Variants in DLG2 observed in about 807,000 individuals in gnomAD.
The protein encoded by DLG2 is disks large homolog 2.
Under a neutral mutation model 132.5 loss-of-function variants are expected in DLG2, and 45 were observed. The ratio of observed to expected loss-of-function variants is 0.34; its 90% CI spans 0.27 to 0.44. The LOEUF (loss-of-function observed/expected upper bound fraction) is 0.44. DLG2 is among the 20% of genes least tolerant of loss of function. The pLI is 1.00. For synonymous variants in DLG2, 424 were observed against 419.6 expected (o/e 1.01, Z -0.13); for missense variants, 1,045 against 1,196.9 (o/e 0.87, Z 1.87).
chr11:85,594,960 G>A (rs1350522845), intron 3 of DLG2, among the ~76,000 whole-genome samples: 1 of 151,406 alleles, frequency 6.6e-6, no homozygotes, highest in Non-Finnish European at 1.5e-5. Flanking sequence ...CAGCTACTCG[G>A]GAGGCTGAGG....
intron 6 of DLG2, among the ~76,000 whole-genome samples, chr11:85,055,790 G>T (rs1467179868): frequency 6.6e-6 from 1 of 152,092 alleles, no homozygotes; most frequent in African/African-American, 2.4e-5. Flanking sequence ...TAAAAAAATG[G>T]GTTCAGGGCC....
chr11:83,540,023 A>G (rs534055348), intron 20 of DLG2, among the ~76,000 whole-genome samples: 2 of 152,278 alleles, frequency 1.3e-5, no homozygotes, highest in Admixed American at 1.3e-4. Context: ...ATCTTCCCAG[A>G]TAGTCCATGC....
chr11:85,622,520 A>G (rs939543610), intron 2 of DLG2, among the ~76,000 whole-genome samples: 1 of 152,104 alleles, frequency 6.6e-6, no homozygotes, highest in African/African-American at 2.4e-5. Context: ...TTAGTAAGAT[A>G]CTATAAAACA....
At chr11:84,954,054 T>G (rs527678295) in intron 6 of DLG2, among the ~76,000 whole-genome samples, 1 of 152,146 alleles carries the variant, frequency 6.6e-6, no homozygotes, top group Non-Finnish European at 1.5e-5. Flanking sequence ...CCGCTTGATT[T>G]TATTGCTCTT....
rs2094927510 is a variant in DLG2, at chr11:83,783,689, T to C, written c.1825+3001A>G. Among the ~76,000 whole-genome samples, 4 of 152,158 alleles carry C rather than the reference T, an allele frequency of 2.6e-5. No individual in the cohort carries two copies. In the South Asian group the frequency reaches 8.3e-4, roughly 32 times the overall value. On this transcript the variant is annotated intron_variant, in intron 18 of 27. Coordinates refer to ENST00000376104, the MANE Select transcript of DLG2 (RefSeq NM_001142699.3). ...AATATAGGTATGGTGTCTGCATGCA[T>C]GGAACTCACAATTTTGTAGTTTAGC...
intron 14 of DLG2, among the ~76,000 whole-genome samples, chr11:83,958,363 T>C (rs1213703511): frequency 1.3e-5 from 2 of 152,162 alleles, no homozygotes; most frequent in Admixed American, 6.5e-5. Context: ...GGACAAGAAA[T>C]CTTTATTGAG....
Position 84,375,347 on chromosome 11 carries a change from G to A in DLG2, c.520-124056C>T, listed in dbSNP as rs1025088137. Among the ~76,000 whole-genome samples, 13 of 151,982 alleles carry A rather than the reference G, an allele frequency of 8.6e-5. No individual in the cohort carries two copies. The East Asian group carries it at 1.2e-3, about 14-fold the overall frequency. ...ATGAATTAACTGCTATAATTATTGC[G>A]CTGTTTTTGTTCACCAACTGGTTCT... is the stretch of plus-strand genomic sequence containing the variant. On this transcript the variant is annotated intron_variant, in intron 7 of 27. Coordinates refer to ENST00000376104, the MANE Select transcript of DLG2 (RefSeq NM_001142699.3).
intron 6 of DLG2, among the ~76,000 whole-genome samples, chr11:84,689,027 T>A (rs372153041): frequency 6.6e-6 from 1 of 152,092 alleles, no homozygotes; most frequent in East Asian, 1.9e-4. Flanking sequence ...CTGGAGACTA[T>A]CTACGTAAAA....
intron 16 of DLG2, among the ~76,000 whole-genome samples, chr11:83,838,226 G>A (rs1368154476): frequency 6.6e-6 from 1 of 152,188 alleles, no homozygotes; most frequent in African/African-American, 2.4e-5. Flanking sequence ...TTGGATAGAT[G>A]GGTAGGTATG....
At chr11:84,187,602 T>C (rs1165549404) in intron 8 of DLG2, among the ~76,000 whole-genome samples, 4 of 152,054 alleles carry the variant, frequency 2.6e-5, no homozygotes, top group Admixed American at 2.0e-4. Flanking sequence ...TCTTCTTATG[T>C]CTACCTCCAA....
At chr11:85,483,763 G>A (rs1178612354) in intron 3 of DLG2, among the ~76,000 whole-genome samples, 1 of 151,900 alleles carries the variant, frequency 6.6e-6, no homozygotes, top group East Asian at 1.9e-4. Flanking sequence ...GGCCAACATG[G>A]TGAAACCCTG....
At chr11:84,866,519 G>T (rs1470668132) in intron 6 of DLG2, among the ~76,000 whole-genome samples, 1 of 152,186 alleles carries the variant, frequency 6.6e-6, no homozygotes, top group Non-Finnish European at 1.5e-5. Context: ...CTCTCAATCT[G>T]CAGATGCTAG....
intron 6 of DLG2, among the ~76,000 whole-genome samples, chr11:85,061,464 A>T (rs1489103738): frequency 6.6e-6 from 1 of 151,882 alleles, no homozygotes; most frequent in East Asian, 1.9e-4. Context: ...TCGCTGCAAC[A>T]AATGTGCTGC....
intron 6 of DLG2, among the ~76,000 whole-genome samples, chr11:84,576,581 G>C (rs2099500651): frequency 6.6e-6 from 1 of 152,152 alleles, no homozygotes; most frequent in African/African-American, 2.4e-5. Context: ...CACTTAATAA[G>C]GTCCTGTTAA....
chr11:84,946,299 C>T (rs1475593501), intron 6 of DLG2, among the ~76,000 whole-genome samples: 1 of 152,094 alleles, frequency 6.6e-6, no homozygotes, highest in Non-Finnish European at 1.5e-5. Context: ...TCTCCATGGC[C>T]ACCACAGCTG....
At chr11:84,754,105 T>C (rs905313417) in intron 6 of DLG2, among the ~76,000 whole-genome samples, 9 of 152,164 alleles carry the variant, frequency 5.9e-5, no homozygotes, top group African/African-American at 1.9e-4. Flanking sequence ...GACTACTCCT[T>C]TGATGAGCTT....
intron 15 of DLG2, among the ~76,000 whole-genome samples, chr11:83,912,815 C>T (rs1462821830): frequency 6.6e-6 from 1 of 151,984 alleles, no homozygotes; most frequent in Non-Finnish European, 1.5e-5. Context: ...ACTCTATGGA[C>T]TCGAATTTGG....
chr11:84,517,719 T>C (rs117488952), intron 7 of DLG2, among the ~76,000 whole-genome samples: 2,661 of 152,128 alleles, frequency 0.017, 25 homozygotes, highest in Middle Eastern at 0.041. Context: ...TGCAGCCTTA[T>C]TCAAAATAGC....
chr11:83,675,550 A>T (rs2077533896), intron 18 of DLG2, among the ~76,000 whole-genome samples: 1 of 152,222 alleles, frequency 6.6e-6, no homozygotes, highest in Non-Finnish European at 1.5e-5. Context: ...GCCTGGTAAC[A>T]TATATTTTAA....
Sources: allele counts gnomAD v4.1 joint callset (sites outside exome capture counted in the v4.1 genomes callset), GRCh38; gene constraint gnomAD v4.1.1; transcripts MANE v1.5; gene names NCBI Gene and HGNC (gene_info 2026-07-23, HGNC 2026-07-21).